DPP6: variants seen among roughly 807,000 people sequenced by gnomAD.
DPP6 encodes the protein A-type potassium channel modulatory protein DPP6.
A neutral mutation model predicts 122.6 loss-of-function variants in DPP6; 69 were observed. That is an observed-to-expected ratio of 0.56 (90% CI 0.46 to 0.69). DPP6 has a LOEUF of 0.69. DPP6 is among the 30% of genes least tolerant of loss of function. The pLI, the probability that DPP6 is intolerant of heterozygous loss-of-function variation, is 0.00. For synonymous variants in DPP6, 418 were observed against 433.1 expected (o/e 0.97, Z 0.43); for missense variants, 928 against 1,116.9 (o/e 0.83, Z 2.41).
At chr7:153,775,488 G>A in the DPP6 span, among the ~76,000 whole-genome samples, 1 of 151,590 alleles carries the variant, frequency 6.6e-6, no homozygotes, top group East Asian at 1.9e-4. Flanking sequence ...ATCCACTCCT[G>A]TTTAGCATCA....
chr7:154,463,224 T>G, intron 2 of DPP6, among the ~76,000 whole-genome samples: 1 of 136,636 alleles, frequency 7.3e-6, no homozygotes. Context: ...TTTTTTTTTT[T>G]TGAGACGGAG....
intron 16 of DPP6, among the ~76,000 whole-genome samples, chr7:154,830,686 C>G (rs374486951): frequency 6.6e-6 from 1 of 152,216 alleles, no homozygotes; most frequent in South Asian, 2.1e-4. Context: ...CTTAATCGTA[C>G]TTCATTTTGA....
intron 1 of DPP6, among the ~76,000 whole-genome samples, chr7:154,216,052 A>T (rs1384063168): frequency 6.6e-6 from 1 of 152,248 alleles, no homozygotes; most frequent in East Asian, 1.9e-4. Context: ...GCCAGGAACC[A>T]CAGCAGTGTT....
intron 1 of DPP6, among the ~76,000 whole-genome samples, chr7:154,158,461 C>T (rs1363679302): frequency 1.3e-5 from 1 of 77,994 alleles, no homozygotes; most frequent in Non-Finnish European, 3.7e-5. Flanking sequence ...CCTGTTTCTT[C>T]CTTTTTTTAA....
chr7:154,696,431 T>C (rs910978306), intron 7 of DPP6, among the ~76,000 whole-genome samples: 9 of 152,168 alleles, frequency 5.9e-5, no homozygotes, highest in African/African-American at 2.4e-5. Context: ...AAATAGAGCT[T>C]CCTTTCATGT....
intron 17 of DPP6, among the ~76,000 whole-genome samples, chr7:154,864,176 A>AGG (rs1245190299): frequency 6.6e-6 from 1 of 152,208 alleles, no homozygotes; most frequent in Non-Finnish European, 1.5e-5. Context: ...TATTTCTTGT[A>AGG]GAAATGTGAG....
In DPP6 at chr7:154,277,506, G is replaced by A. The variant is rs556136727; in HGVS notation, c.244-168708G>A. On this transcript the variant is annotated intron_variant, in intron 1 of 25. Transcript: ENST00000377770. ...AGGCTGGGCATGGAGGCTCACGCCT[G>A]TAATCCCAGCACTTTGGGAGGCTGA... is the stretch of plus-strand genomic sequence containing the variant. Among the ~76,000 whole-genome samples the A allele has an allele frequency of 8.8e-4, 134 of 152,364 alleles. 1 individual carries two copies. The highest frequency in any genetic ancestry group is 3.4e-3 in the Middle Eastern group (1 of 294).
At chr7:154,093,321 C>T (rs1379482658) in intron 1 of DPP6, among the ~76,000 whole-genome samples, 3 of 146,848 alleles carry the variant, frequency 2.0e-5, no homozygotes, top group Non-Finnish European at 3.0e-5. Flanking sequence ...ACATGCCACA[C>T]AACCTACACA....
Position 154,468,271 on chromosome 7 carries a change from G to C in DPP6, c.359-6668G>C, listed in dbSNP as rs566321266. On this transcript the variant is annotated intron_variant, in intron 2 of 25. Transcript: ENST00000377770. ...TGTCCAGAATAGCCAAATGTTTAGA[G>C]ACAGAAAGAAGATTTTTGGTTGCGA... is the stretch of plus-strand genomic sequence containing the variant. 7.2e-5 allele frequency among the ~76,000 whole-genome samples: 11 copies of C among 152,342 alleles called. No homozygotes were observed. In the East Asian group the frequency reaches 1.9e-3, roughly 27 times the overall value.
intron 1 of DPP6, among the ~76,000 whole-genome samples, chr7:154,381,436 T>C (rs1423347598): frequency 6.6e-6 from 1 of 152,206 alleles, no homozygotes; most frequent in African/African-American, 2.4e-5. Context: ...TCTATATGGG[T>C]CTGTGTGTAC....
chr7:154,551,217 C>A (rs1442858578), intron 4 of DPP6, among the ~76,000 whole-genome samples: 1 of 152,226 alleles, frequency 6.6e-6, no homozygotes. Context: ...AAGACAAAAT[C>A]TCCAAGTAGT....
At chr7:154,066,597 A>T (rs984384660) in intron 1 of DPP6, among the ~76,000 whole-genome samples, 2 of 152,102 alleles carry the variant, frequency 1.3e-5, no homozygotes, top group African/African-American at 4.8e-5. Flanking sequence ...CCTGAGCAGG[A>T]CCTTCAAGGG....
At chr7:153,793,382 C>T in the DPP6 span, among the ~76,000 whole-genome samples, 54 of 133,584 alleles carry the variant, frequency 4.0e-4, no homozygotes, top group African/African-American at 1.4e-3. Context: ...AGACTGGTGG[C>T]ATTTTGCCCC....
chr7:153,987,938 C>T (rs969159109), intron 1 of DPP6, among the ~76,000 whole-genome samples: 3 of 152,068 alleles, frequency 2.0e-5, no homozygotes, highest in Non-Finnish European at 4.4e-5. Flanking sequence ...TGGAATTGGT[C>T]AGCTTGGAGG....
chr7:153,984,001 G>A (rs955319533), intron 1 of DPP6, among the ~76,000 whole-genome samples: 2 of 150,090 alleles, frequency 1.3e-5, no homozygotes, highest in African/African-American at 2.5e-5. Flanking sequence ...GGCCATTTTG[G>A]CCAGGAATCC....
chr7:153,995,936 A>C (rs2129044089), intron 1 of DPP6, among the ~76,000 whole-genome samples: 1 of 152,326 alleles, frequency 6.6e-6, no homozygotes, highest in Admixed American at 6.5e-5. Context: ...CAAGCTATTT[A>C]TGTTATACTA....
intron 1 of DPP6, among the ~76,000 whole-genome samples, chr7:154,053,585 C>T (rs1382173249): frequency 6.6e-6 from 1 of 151,742 alleles, no homozygotes; most frequent in Non-Finnish European, 1.5e-5. Flanking sequence ...CTTCTTACTT[C>T]TCCTAGACAC....
the DPP6 span, among the ~76,000 whole-genome samples, chr7:153,804,419 A>G: frequency 3.3e-5 from 5 of 152,020 alleles, no homozygotes; most frequent in African/African-American, 9.7e-5. Flanking sequence ...TAGTGTAGAG[A>G]TAATTTTCTA....
At chr7:153,959,024 A>G (rs377082572) in intron 1 of DPP6, among the ~76,000 whole-genome samples, 324 of 152,138 alleles carry the variant, frequency 2.1e-3, no homozygotes, top group Non-Finnish European at 3.9e-3. Flanking sequence ...GAGTGCAGAG[A>G]TTTTCTAATG....
Sources: gnomAD v4.1 joint callset for allele counts (sites outside exome capture counted in the v4.1 genomes callset) on GRCh38, gnomAD v4.1.1 for gene constraint, MANE v1.5 for transcripts, NCBI Gene and HGNC (gene_info 2026-07-23, HGNC 2026-07-21) for gene names.